NTRK3: variants seen among roughly 807,000 people sequenced by gnomAD.
The protein encoded by NTRK3 is NT-3 growth factor receptor.
NTRK3 carries 24 observed loss-of-function variants against 91.7 expected under a neutral mutation model. The observed-to-expected ratio is 0.26, with a 90% CI of 0.19 to 0.37. NTRK3 has a LOEUF of 0.37. NTRK3 is among the 10% of genes least tolerant of loss of function. The pLI is 1.00. For missense variants in NTRK3, 880 were observed against 1,068.9 expected, an observed-to-expected ratio of 0.82 and a Z score of 2.46; for synonymous variants, 483 against 404.0, an observed-to-expected ratio of 1.20 and a Z score of -2.34.
intron 3 of NTRK3, among the ~76,000 whole-genome samples, chr15:88,248,565 A>T (rs2053061000): frequency 6.6e-6 from 1 of 152,102 alleles, no homozygotes; most frequent in South Asian, 2.1e-4. Context: ...TGTGTATGCT[A>T]GTATGCATAA....
chr15:88,098,191 G>A (rs569965153), intron 13 of NTRK3, among the ~76,000 whole-genome samples: 44 of 152,282 alleles, frequency 2.9e-4, no homozygotes, highest in African/African-American at 9.4e-4. Flanking sequence ...AAGAGCAACC[G>A]GGGTTTATAA....
chr15:88,109,760 G>C (rs577149678), intron 13 of NTRK3, among the ~76,000 whole-genome samples: 1 of 152,218 alleles, frequency 6.6e-6, no homozygotes, highest in South Asian at 2.1e-4. Context: ...CCCACTGGCT[G>C]GGGGAGTAGC....
chr15:87,883,083 G>A, intron 17 of NTRK3, among the ~76,000 whole-genome samples: 1 of 149,222 alleles, frequency 6.7e-6, no homozygotes, highest in East Asian at 2.0e-4. Flanking sequence ...AAATATAATT[G>A]GCTACATATA....
At position 88,068,455 on chromosome 15, in the gene NTRK3, A is replaced by AAACAT. The variant is rs1196246710; in HGVS notation, c.1397-35411_1397-35410insATGTT. On this transcript the variant is annotated intron_variant, in intron 13 of 18. Coordinates refer to ENST00000394480, the Ensembl canonical transcript of NTRK3. ...CAAAAAAACAAAACAAAACAAAACA[A>AAACAT]AACAAAAAAACACTATTAAGGTTTA... Among the ~76,000 whole-genome samples the AAACAT allele has an allele frequency of 3.3e-5, 5 of 152,248 alleles. No homozygotes were observed. In the East Asian group the frequency reaches 9.7e-4, roughly 29 times the overall value.
intron 10 of NTRK3, among the ~76,000 whole-genome samples, chr15:88,131,095 G>C (rs936169894): frequency 2.0e-5 from 3 of 152,236 alleles, no homozygotes; most frequent in Non-Finnish European, 4.4e-5. Flanking sequence ...CCTCACCTTA[G>C]AGTTTCTAAT....
chr15:88,132,674 C>T (rs749043535), intron 10 of NTRK3, among the ~76,000 whole-genome samples: 4 of 152,192 alleles, frequency 2.6e-5, no homozygotes, highest in Non-Finnish European at 5.9e-5. Flanking sequence ...TGCATCTAGG[C>T]TTAGCTGGGG....
At chr15:88,179,610 G>T (rs1037735051) in intron 5 of NTRK3, among the ~76,000 whole-genome samples, 1 of 152,002 alleles carries the variant, frequency 6.6e-6, no homozygotes, top group Non-Finnish European at 1.5e-5. Context: ...GATCCAGTCT[G>T]TGTGAGCCAT....
At chr15:88,089,084 T>A (rs549631176) in intron 13 of NTRK3, among the ~76,000 whole-genome samples, 2 of 149,300 alleles carry the variant, frequency 1.3e-5, no homozygotes, top group Non-Finnish European at 3.0e-5. Flanking sequence ...TGAGGCTACC[T>A]GGCCTTTGGC....
intron 6 of NTRK3, among the ~76,000 whole-genome samples, chr15:88,138,005 C>A (rs2042036086): frequency 6.6e-6 from 1 of 151,278 alleles, no homozygotes; most frequent in South Asian, 2.1e-4. Flanking sequence ...GAACTGAGAT[C>A]ACACCACTGC....
Position 88,234,524 on chromosome 15 carries a change from C to G in NTRK3, c.248+21382G>C, listed in dbSNP as rs1446089890. Reference sequence around the variant, plus strand: ...GGGGCCCTCCTCACGCTGCTCCCTCCTCTAGACTAGCTCTCCATCGCCTCT... The same window carrying G: ...GGGGCCCTCCTCACGCTGCTCCCTCGTCTAGACTAGCTCTCCATCGCCTCT... On this transcript the variant is annotated intron_variant, in intron 3 of 18. Coordinates refer to ENST00000394480, the Ensembl canonical transcript of NTRK3. This position sits in a 1 kb window ranked among gnomAD's most constrained non-coding sequence, Gnocchi z 6.1. 6.6e-6 allele frequency among the ~76,000 whole-genome samples: 1 copy of G among 152,152 alleles called. No individual in the cohort carries two copies. The highest frequency in any genetic ancestry group is 2.4e-5 in the African/African-American group (1 of 41,440).
rs1337812748 is a variant in NTRK3, at chr15:88,236,258, G to A, written c.248+19648C>T. On this transcript the variant is annotated intron_variant, in intron 3 of 18. Coordinates refer to ENST00000394480, the Ensembl canonical transcript of NTRK3. The stretch of plus-strand genomic sequence containing the variant: ...TGTAATATCACTTAGCAATAAAAAG[G>A]AACCAAACACTGATATCTGTAACAA... Among the ~76,000 whole-genome samples, 5 of 152,082 alleles carry A rather than the reference G, an allele frequency of 3.3e-5. 1 individual carries two copies. The highest frequency in any genetic ancestry group is 5.9e-5 in the Non-Finnish European group (4 of 68,012).
chr15:87,942,106 AT>A (rs2069929205), intron 14 of NTRK3, among the ~76,000 whole-genome samples: 1 of 152,252 alleles, frequency 6.6e-6, no homozygotes, highest in Non-Finnish European at 1.5e-5. Flanking sequence ...TCCTTTAAGA[AT>A]AAACTACAGG....
chr15:88,251,313 G>A (rs1267976541), intron 3 of NTRK3, among the ~76,000 whole-genome samples: 5 of 152,198 alleles, frequency 3.3e-5, no homozygotes, highest in Admixed American at 3.3e-4. Flanking sequence ...CCTCCTGGGG[G>A]AAGTTCTCTG....
intron 17 of NTRK3, among the ~76,000 whole-genome samples, chr15:87,893,620 C>T (rs1001835651): frequency 1.3e-5 from 2 of 152,218 alleles, no homozygotes; most frequent in African/African-American, 2.4e-5. Context: ...AATAGAAACT[C>T]AGCTAAGTTC....
intron 17 of NTRK3, among the ~76,000 whole-genome samples, chr15:87,906,494 C>G (rs1469214381): frequency 1.3e-5 from 2 of 152,162 alleles, no homozygotes; most frequent in Non-Finnish European, 2.9e-5. Flanking sequence ...GGAGATGAAA[C>G]CCGTGCTGAC....
At chr15:88,199,684 G>A (rs551609108) in intron 3 of NTRK3, among the ~76,000 whole-genome samples, 1 of 152,234 alleles carries the variant, frequency 6.6e-6, no homozygotes, top group Non-Finnish European at 1.5e-5. Context: ...GCACAAAGTG[G>A]AAACCTCAAG....
At chr15:87,860,858 T>C in exon 19 of NTRK3, 1 of 218,196 alleles carries the variant, frequency 4.6e-6, no homozygotes, top group Non-Finnish European at 9.2e-6. Flanking sequence ...TGAGGAACTA[T>C]CAATTGGGAT....
intron 13 of NTRK3, among the ~76,000 whole-genome samples, chr15:88,109,246 C>T (rs1426443052): frequency 1.3e-5 from 2 of 152,160 alleles, no homozygotes; most frequent in Non-Finnish European, 1.5e-5. Context: ...GGTGCAGTAG[C>T]CAGGCCTCAC....
At chr15:88,028,715 C>A (rs553980911) in intron 14 of NTRK3, among the ~76,000 whole-genome samples, 1 of 152,236 alleles carries the variant, frequency 6.6e-6, no homozygotes, top group East Asian at 1.9e-4. Context: ...GACAAGGACA[C>A]CCAAGGACAG....
Sources: allele counts gnomAD v4.1 joint callset (sites outside exome capture counted in the v4.1 genomes callset), GRCh38; gene constraint gnomAD v4.1.1; non-coding constraint Gnocchi (gnomAD v3.1); transcripts MANE v1.5; gene names NCBI Gene and HGNC (gene_info 2026-07-23, HGNC 2026-07-21).